The following C10orf67 variants were observed in gnomAD, a reference collection of about 807,000 sequenced individuals.
The protein encoded by C10orf67 is chromosome 10 open reading frame 67.
In C10orf67, 60 loss-of-function variants were observed where a neutral mutation model predicts 35.6. The observed-to-expected ratio is 1.68, with a 90% confidence interval of 1.37 to 2.09. The LOEUF (loss-of-function observed/expected upper bound fraction) is 2.09, where lower values mean the gene tolerates loss of function less well. Ranked by LOEUF, C10orf67 falls within the 30% of genes most tolerant of loss-of-function variation. C10orf67 has a pLI of 0.00. For synonymous variants in C10orf67, 167 were observed against 115.8 expected, an observed-to-expected ratio of 1.44 and a Z score of -2.84; for missense variants, 474 against 330.2, an observed-to-expected ratio of 1.44 and a Z score of -3.38.
intron 13 of C10orf67, among the ~76,000 whole-genome samples, chr10:23,226,205 C>A (rs1841737272): frequency 6.6e-6 from 1 of 152,158 alleles, no homozygotes; most frequent in Admixed American, 6.6e-5. Context: ...CACTCCTCAG[C>A]AAATGTAAAA....
At chr10:23,224,541 G>A (rs753124698) in intron 13 of C10orf67, among the ~76,000 whole-genome samples, 7 of 152,220 alleles carry the variant, frequency 4.6e-5, no homozygotes, top group Admixed American at 3.3e-4. Context: ...TGACTTTGAC[G>A]AGTTGAGAGA....
chr10:23,277,983 G>A lies in C10orf67; in HGVS notation c.975+4030C>T, dbSNP rs77863516. Among the ~76,000 whole-genome samples, 1,072 of 152,240 alleles carry A rather than the reference G, an allele frequency of 7.0e-3. 9 individuals carry two copies. Among genetic ancestry groups the A allele is most frequent in the Non-Finnish European group, 8.5e-3 (579 of 68,020 alleles). On this transcript the variant is annotated intron_variant, in intron 8 of 15. Transcript: ENST00000636213. ...TGTCTCACATGGTGGGAGCAGGAGC[G>A]AGAGAGAGAAGTGGGGAGGTGCTAT...
chr10:23,301,042 T>A (rs984484779), intron 5 of C10orf67, among the ~76,000 whole-genome samples: 1 of 152,220 alleles, frequency 6.6e-6, no homozygotes, highest in Non-Finnish European at 1.5e-5. Flanking sequence ...TCTATTTTAA[T>A]TTGCTTTAAG....
At chr10:23,257,257 G>A (rs922390490) in intron 10 of C10orf67, among the ~76,000 whole-genome samples, 6 of 152,118 alleles carry the variant, frequency 3.9e-5, no homozygotes, top group Non-Finnish European at 5.9e-5. Context: ...AAAGTCCACC[G>A]CTGGGGCCTG....
intron 7 of C10orf67, 97 bp from the exon 8 acceptor site, chr10:23,282,175 G>GA (rs1843389970): frequency 2.6e-6 from 1 of 385,790 alleles, no homozygotes; most frequent in Non-Finnish European, 4.8e-6. Context: ...TTTAATATGA[G>GA]AAAAATGGAT....
intron 10 of C10orf67, among the ~76,000 whole-genome samples, chr10:23,254,195 C>T (rs1842539504): frequency 6.6e-6 from 1 of 152,158 alleles, no homozygotes; most frequent in Non-Finnish European, 1.5e-5. Context: ...TAATAACATA[C>T]TGTAATTTAA....
chr10:23,272,583 A>C (rs1228697551), intron 8 of C10orf67, among the ~76,000 whole-genome samples: 1 of 152,198 alleles, frequency 6.6e-6, no homozygotes, highest in East Asian at 1.9e-4. Context: ...CTTTACCTTG[A>C]CTACTATAGT....
At chr10:23,225,275 C>A (rs1167125753) in intron 13 of C10orf67, among the ~76,000 whole-genome samples, 2 of 151,460 alleles carry the variant, frequency 1.3e-5, no homozygotes, top group African/African-American at 4.9e-5. Flanking sequence ...AACTAAGCTT[C>A]ATAAGTGAAG....
chr10:23,261,877 G>A (rs1842759120), intron 10 of C10orf67, among the ~76,000 whole-genome samples: 1 of 152,220 alleles, frequency 6.6e-6, no homozygotes, highest in African/African-American at 2.4e-5. Context: ...AGAAAGTTAA[G>A]AGAGTGTTAA....
chr10:23,305,732 T>C (rs1053308049), intron 4 of C10orf67, among the ~76,000 whole-genome samples: 2 of 152,178 alleles, frequency 1.3e-5, no homozygotes, highest in African/African-American at 2.4e-5. Flanking sequence ...TTGATGGGAA[T>C]GTAAAGTGGT....
intron 10 of C10orf67, among the ~76,000 whole-genome samples, chr10:23,256,184 T>A (rs1842595287): frequency 6.6e-6 from 1 of 152,088 alleles, no homozygotes; most frequent in Non-Finnish European, 1.5e-5. Flanking sequence ...GTATTTTTTT[T>A]AGAGAAGAAG....
intron 13 of C10orf67, among the ~76,000 whole-genome samples, chr10:23,239,175 G>C (rs1842116778): frequency 6.6e-6 from 1 of 152,038 alleles, no homozygotes. Flanking sequence ...AAATTTACTG[G>C]ATATATTTCT....
chr10:23,212,158 G>C (rs948012487), intron 15 of C10orf67, among the ~76,000 whole-genome samples: 1 of 152,144 alleles, frequency 6.6e-6, no homozygotes, highest in Non-Finnish European at 1.5e-5. Context: ...TAGACACAGG[G>C]AGAATGTCAT....
intron 10 of C10orf67, among the ~76,000 whole-genome samples, chr10:23,251,584 A>G (rs1329638120): frequency 1.3e-5 from 2 of 152,216 alleles, no homozygotes; most frequent in Admixed American, 6.5e-5. Flanking sequence ...TGTGCTACAG[A>G]ATAATACTAA....
intron 7 of C10orf67, among the ~76,000 whole-genome samples, chr10:23,287,026 A>G (rs1472735236): frequency 6.6e-6 from 1 of 152,268 alleles, no homozygotes; most frequent in African/African-American, 2.4e-5. Context: ...GGAAGAATCA[A>G]TATCATGAAA....
At chr10:23,264,927 G>C (rs1325732889) in intron 10 of C10orf67, among the ~76,000 whole-genome samples, 1 of 152,198 alleles carries the variant, frequency 6.6e-6, no homozygotes, top group African/African-American at 2.4e-5. Flanking sequence ...CCCCAACCAG[G>C]TCAGCATGCA....
At chr10:23,244,187 A>G (rs549539482) in intron 12 of C10orf67, among the ~76,000 whole-genome samples, 1 of 152,354 alleles carries the variant, frequency 6.6e-6, no homozygotes, top group South Asian at 2.1e-4. Flanking sequence ...CACTGTGCCC[A>G]GCCCATATTA....
chr10:23,289,827 C>T (rs1211466981), intron 7 of C10orf67, 73 bp downstream of exon 7: 1 of 698,624 alleles, frequency 1.4e-6, no homozygotes, highest in Non-Finnish European at 2.7e-6. Flanking sequence ...ACTCTGGACA[C>T]AGTGTTATTT....
intron 12 of C10orf67, among the ~76,000 whole-genome samples, chr10:23,248,168 G>T (rs1041433276): frequency 6.6e-6 from 1 of 152,214 alleles, no homozygotes. Context: ...GTGGGCAAAA[G>T]TGAGTCCATC....
Sources: allele counts gnomAD v4.1 joint callset (sites outside exome capture counted in the v4.1 genomes callset), GRCh38; gene constraint gnomAD v4.1.1; transcripts MANE v1.5; gene names NCBI Gene and HGNC (gene_info 2026-07-23, HGNC 2026-07-21).